Variants in EDARADD observed in about 807,000 individuals in gnomAD.
EDARADD encodes ectodysplasin-A receptor-associated adapter protein.
A neutral mutation model predicts 25.6 loss-of-function variants in EDARADD; 20 were observed. The observed-to-expected ratio is 0.78, with a 90% confidence interval of 0.55 to 1.14. EDARADD has a LOEUF of 1.14. EDARADD is among the 50% of genes most tolerant of loss of function. The pLI, the probability that EDARADD is intolerant of heterozygous loss-of-function variation, is 0.00. For missense variants in EDARADD, 225 were observed against 270.1 expected (o/e 0.83, Z 1.17); for synonymous variants, 86 against 94.4 (o/e 0.91, Z 0.52).
At chr1:236,453,002 C>A (rs1344614144) in intron 4 of EDARADD, among the ~76,000 whole-genome samples, 5 of 152,172 alleles carry the variant, frequency 3.3e-5, no homozygotes, top group Non-Finnish European at 4.4e-5. Flanking sequence ...TGAGTACTTG[C>A]CCCCCACTCC....
chr1:236,400,720 A>ATTTTTTTTTTTTTTTTTTTTTT (rs55864840), intron 1 of EDARADD, among the ~76,000 whole-genome samples: 3 of 121,180 alleles, frequency 2.5e-5, no homozygotes, highest in Non-Finnish European at 5.0e-5. Context: ...ACACCCGGCT[A>ATTTTTTTTTTTTTTTTTTTTTT]TTTTTTTTTT....
At chr1:236,364,169 T>C (rs1314528096) in intron 3 of EDARADD, among the ~76,000 whole-genome samples, 1 of 152,156 alleles carries the variant, frequency 6.6e-6, no homozygotes, top group African/African-American at 2.4e-5. Flanking sequence ...CTTGATAGTA[T>C]TTATAATATT....
intron 3 of EDARADD, among the ~76,000 whole-genome samples, chr1:236,367,559 C>A (rs902442292): frequency 2.0e-5 from 3 of 152,010 alleles, no homozygotes; most frequent in Non-Finnish European, 4.4e-5. Context: ...GAGACGAGGT[C>A]TCACTATGTT....
upstream of EDARADD, among the ~76,000 whole-genome samples, chr1:236,390,051 T>A (rs1667402635): frequency 6.6e-6 from 1 of 152,014 alleles, no homozygotes; most frequent in African/African-American, 2.4e-5. Flanking sequence ...GATTTAATAT[T>A]TTCTGATAGG....
chr1:236,397,003 G>A lies in EDARADD; in HGVS notation c.61+2498G>A, dbSNP rs563220343. 3.3e-5 allele frequency among the ~76,000 whole-genome samples: 5 copies of A among 151,722 alleles called. No homozygotes were observed. The East Asian group carries it at 9.7e-4, about 29-fold the overall frequency. On this transcript the variant is annotated intron_variant, in intron 1 of 5. Coordinates refer to ENST00000334232, the MANE Select transcript of EDARADD (RefSeq NM_145861.4). ...GGGTGGGGGAATTCAAAAAGATCTT[G>A]AGAGAGATACACTGCATGGAGATAA...
rs869053977 is a variant in EDARADD, at chr1:236,360,537, GTT to G, written c.-6+9723_-6+9724del. Among the ~76,000 whole-genome samples, 20 of 131,266 alleles carry G rather than the reference GTT, an allele frequency of 1.5e-4. 1 individual carries two copies. Among genetic ancestry groups the G allele is most frequent in the South Asian group, 5.0e-4 (2 of 3,972 alleles). The allele number at this position is 131,266 out of a possible 152,430, so 86.1% of individuals were successfully genotyped here. A position where few individuals can be genotyped will look rare whatever the true frequency, so the allele number is the denominator to read the frequency against. ...CAGGACAGAGGGATTTTAATTCACG[GTT>G]TTTTTTTTTTTTTTTTTTTTTTTTG... On this transcript the variant is annotated intron_variant, in intron 3 of 7. Coordinates refer to the EDARADD transcript ENST00000439430.
In EDARADD at chr1:236,417,581, G is replaced by T. The variant is rs547073352; in HGVS notation, c.160+3282G>T. 1.3e-4 allele frequency among the ~76,000 whole-genome samples: 20 copies of T among 152,214 alleles called. 2 individuals carry two copies. The highest frequency in any genetic ancestry group is 4.6e-4 in the African/African-American group (19 of 41,544). ...ACCCCCTGATTTTACAGTTTTTGGGGGTTCATTTGGTTTGGGGCTCTTTTC... is the reference window on the plus strand; with the variant it reads ...ACCCCCTGATTTTACAGTTTTTGGGTGTTCATTTGGTTTGGGGCTCTTTTC... On this transcript the variant is annotated intron_variant, in intron 3 of 5. Transcript: ENST00000334232.
At chr1:236,349,884 G>C (rs1419942736) in intron 2 of EDARADD, among the ~76,000 whole-genome samples, 1 of 152,166 alleles carries the variant, frequency 6.6e-6, no homozygotes, top group African/African-American at 2.4e-5. Flanking sequence ...GATTGAGGCA[G>C]GCAGATCGCC....
intron 1 of EDARADD, among the ~76,000 whole-genome samples, chr1:236,401,414 G>A (rs931689955): frequency 8.5e-5 from 13 of 152,280 alleles, no homozygotes; most frequent in African/African-American, 2.2e-4. Context: ...TTGAGAAACC[G>A]TCTCTAGGAA....
chr1:236,422,688 A>G (rs1172789126), intron 3 of EDARADD, among the ~76,000 whole-genome samples: 1 of 152,174 alleles, frequency 6.6e-6, no homozygotes, highest in East Asian at 1.9e-4. Flanking sequence ...AGTTGCTTTG[A>G]AGGGGCTCCC....
intron 1 of EDARADD, among the ~76,000 whole-genome samples, chr1:236,404,925 C>T (rs1667679469): frequency 1.3e-5 from 2 of 152,118 alleles, no homozygotes; most frequent in Admixed American, 6.6e-5. Context: ...GAAACCCCAT[C>T]TCTACTAAAA....
In EDARADD at chr1:236,483,526, C is replaced by A; in HGVS notation, c.*877C>A. Reference sequence around the variant, plus strand: ...GGAGTGTCCCTCGCTGCCTGCAAAGCTAGTGCTGTTGAGAAGGGGGTTCCC... The same window carrying A: ...GGAGTGTCCCTCGCTGCCTGCAAAGATAGTGCTGTTGAGAAGGGGGTTCCC... On this transcript the variant is annotated 3_prime_UTR_variant, in exon 6 of 6. Coordinates refer to ENST00000334232, the MANE Select transcript of EDARADD (RefSeq NM_145861.4). 9.4e-7 allele frequency: 1 copy of A among 1,066,862 alleles called. No individual in the cohort carries two copies. Among genetic ancestry groups the A allele is most frequent in the Non-Finnish European group, 1.5e-6 (1 of 683,588 alleles). The allele number at this position is 1,066,862 out of a possible 1,614,324, so 66.1% of individuals were successfully genotyped here. A position where few individuals can be genotyped will look rare whatever the true frequency, so the allele number is the denominator to read the frequency against.
intron 3 of EDARADD, among the ~76,000 whole-genome samples, chr1:236,373,139 T>G (rs945586684): frequency 6.6e-6 from 1 of 151,280 alleles, no homozygotes; most frequent in African/African-American, 2.4e-5. Context: ...ATGGTCTCGA[T>G]CTCCTGACCT....
chr1:236,405,120 A>T lies in EDARADD; in HGVS notation c.62-4096A>T, dbSNP rs544201908. Among the ~76,000 whole-genome samples the T allele has an allele frequency of 1.7e-4, 26 of 152,210 alleles. No homozygotes were observed. The South Asian group carries it at 3.7e-3, about 22-fold the overall frequency. ...AAAAAAAATTAAGTAATTAATTTTT[A>T]AAAAAAGACCTGAAAATGCCTCTAA... On this transcript the variant is annotated intron_variant, in intron 1 of 5. Transcript: ENST00000334232.
At chr1:236,361,934 A>G (rs1488634874) in intron 3 of EDARADD, among the ~76,000 whole-genome samples, 3 of 151,996 alleles carry the variant, frequency 2.0e-5, no homozygotes, top group Non-Finnish European at 4.4e-5. Flanking sequence ...TAGGCATGGA[A>G]TGCCTGGATT....
intron 5 of EDARADD, among the ~76,000 whole-genome samples, chr1:236,480,586 C>T (rs992483563): frequency 1.3e-5 from 2 of 152,080 alleles, no homozygotes; most frequent in African/African-American, 4.8e-5. Context: ...CTGGGAAGGC[C>T]ATGACTCAAT....
chr1:236,415,762 A>T lies in EDARADD; in HGVS notation c.160+1463A>T, dbSNP rs143434782. On this transcript the variant is annotated intron_variant, in intron 3 of 5. Coordinates refer to ENST00000334232, the MANE Select transcript of EDARADD (RefSeq NM_145861.4). The stretch of plus-strand genomic sequence containing the variant: ...CTGCACCTGGGCCCTGTGTTCCTTT[A>T]TGGAGGCCAAGTTGCAGGTTGTCAC... Among the ~76,000 whole-genome samples, 178 of 151,936 alleles carry T rather than the reference A, an allele frequency of 1.2e-3. 1 individual carries two copies. The highest frequency in any genetic ancestry group is 3.5e-3 in the Admixed American group (53 of 15,276).
In EDARADD at chr1:236,430,133, G is replaced by A. The variant is rs535353773; in HGVS notation, c.219+2683G>A. ...CACATAACTGTCTTGAAAATGGTCA[G>A]TGGTGCTAGTTTTAACTTTGTTTTG... On this transcript the variant is annotated intron_variant, in intron 4 of 5. Transcript: ENST00000334232. Among the ~76,000 whole-genome samples, 81 of 152,314 alleles carry A rather than the reference G, an allele frequency of 5.3e-4. No homozygotes were observed. In the Middle Eastern group the frequency reaches 0.031, roughly 58 times the overall value.
rs1553270578 is a variant in EDARADD, at chr1:236,467,449, C to CACAT, written c.220-779_220-778insTACA. ...GCGCACACACACACACACACACACA[C>CACAT]ACACACATACACACACCTGTCCAAG... On this transcript the variant is annotated intron_variant, in intron 4 of 5. Transcript: ENST00000334232. Among the ~76,000 whole-genome samples the CACAT allele has an allele frequency of 2.3e-3, 352 of 151,558 alleles. 1 individual carries two copies. Among genetic ancestry groups the CACAT allele is most frequent in the African/African-American group, 7.3e-3 (300 of 41,278 alleles).
Sources: gnomAD v4.1 joint callset for allele counts (sites outside exome capture counted in the v4.1 genomes callset) on GRCh38, gnomAD v4.1.1 for gene constraint, MANE v1.5 for transcripts, NCBI Gene and HGNC (gene_info 2026-07-23, HGNC 2026-07-21) for gene names.